The following CNTNAP2 variants were observed in gnomAD, a reference collection of about 807,000 sequenced individuals.
CNTNAP2 encodes contactin associated protein 2.
Under a neutral mutation model 155.2 loss-of-function variants are expected in CNTNAP2, and 98 were observed. The ratio of observed to expected loss-of-function variants is 0.63; its 90% CI spans 0.54 to 0.75. CNTNAP2 has a LOEUF of 0.75. Ranked by LOEUF, CNTNAP2 falls within the 30% of genes least tolerant of loss-of-function variation. The probability of loss-of-function intolerance (pLI) is 0.00; values close to 1 mark genes in which losing one functional copy is unlikely to be tolerated. For synonymous variants in CNTNAP2, 651 were observed against 631.2 expected, an observed-to-expected ratio of 1.03 and a Z score of -0.47; for missense variants, 1,727 against 1,688.1, an observed-to-expected ratio of 1.02 and a Z score of -0.40.
At chr7:148,154,952 G>C (rs1037502904) in intron 17 of CNTNAP2, among the ~76,000 whole-genome samples, 6 of 150,934 alleles carry the variant, frequency 4.0e-5, no homozygotes, top group Non-Finnish European at 3.0e-5. Context: ...AAAAAAAAAT[G>C]TACATCTCAA....
chr7:147,259,986 A>AG (rs1804420310), intron 8 of CNTNAP2, among the ~76,000 whole-genome samples: 1 of 152,136 alleles, frequency 6.6e-6, no homozygotes, highest in Non-Finnish European at 1.5e-5. Context: ...TCCCCACAAA[A>AG]GGATAGATTG....
At position 147,609,269 on chromosome 7, in the gene CNTNAP2, C is replaced by T. The variant is rs547508090; in HGVS notation, c.1898-29837C>T. ...GTGGTGGGCCGGGCGCGGTGGCTCA[C>T]GCCTGTAATCCCAGCACTTTGGGAG... On this transcript the variant is annotated intron_variant, in intron 12 of 23. Coordinates refer to ENST00000361727, the MANE Select transcript of CNTNAP2 (RefSeq NM_014141.6). 3.2e-4 allele frequency among the ~76,000 whole-genome samples: 49 copies of T among 152,252 alleles called. 1 individual carries two copies. Among genetic ancestry groups the T allele is most frequent in the African/African-American group, 8.4e-4 (35 of 41,542 alleles).
intron 1 of CNTNAP2, among the ~76,000 whole-genome samples, chr7:146,169,515 A>T (rs1410871389): frequency 6.6e-6 from 1 of 152,134 alleles, no homozygotes; most frequent in Non-Finnish European, 1.5e-5. Context: ...AACACTTAAG[A>T]TCTATTCTCT....
At chr7:147,911,912 C>T (rs569144564) in intron 14 of CNTNAP2, among the ~76,000 whole-genome samples, 3 of 152,262 alleles carry the variant, frequency 2.0e-5, no homozygotes, top group African/African-American at 7.2e-5. Flanking sequence ...GCTACGAGCA[C>T]GGTGGTACAA....
At chr7:146,247,526 G>C (rs1259999138) in intron 1 of CNTNAP2, among the ~76,000 whole-genome samples, 2 of 152,092 alleles carry the variant, frequency 1.3e-5, no homozygotes, top group Non-Finnish European at 2.9e-5. Context: ...AAAGAAGGAA[G>C]ATTTGGGATG....
intron 11 of CNTNAP2, among the ~76,000 whole-genome samples, chr7:147,532,556 C>T (rs746208727): frequency 4.2e-4 from 64 of 152,166 alleles, no homozygotes; most frequent in Non-Finnish European, 8.5e-4. Flanking sequence ...CACACATTTT[C>T]GGGTATCTTT....
intron 1 of CNTNAP2, among the ~76,000 whole-genome samples, chr7:146,720,830 T>A (rs1178962450): frequency 1.3e-5 from 2 of 148,816 alleles, no homozygotes; most frequent in Non-Finnish European, 3.0e-5. Context: ...TTTTGAAAGC[T>A]ATTATTTAGA....
chr7:147,480,959 A>G (rs1185335806), intron 10 of CNTNAP2, among the ~76,000 whole-genome samples: 9 of 152,136 alleles, frequency 5.9e-5, no homozygotes, highest in Admixed American at 1.3e-4. Flanking sequence ...GAGAAACACT[A>G]CTTTTGAGTG....
At chr7:148,403,601 G>A (rs1799635987) in intron 22 of CNTNAP2, among the ~76,000 whole-genome samples, 1 of 152,224 alleles carries the variant, frequency 6.6e-6, no homozygotes, top group Non-Finnish European at 1.5e-5. Flanking sequence ...CAAGCTGGGT[G>A]AGGGGAACGT....
intron 1 of CNTNAP2, among the ~76,000 whole-genome samples, chr7:146,182,397 A>G (rs6947847): frequency 0.31 from 46,513 of 151,974 alleles, 8,349 homozygotes; most frequent in African/African-American, 0.5. Context: ...TATTATCTGT[A>G]CATATTTTCA....
chr7:147,440,734 T>C (rs1447495439), intron 10 of CNTNAP2, among the ~76,000 whole-genome samples: 2 of 152,200 alleles, frequency 1.3e-5, no homozygotes, highest in African/African-American at 4.8e-5. Flanking sequence ...TCACCAGATA[T>C]ACCATTCTAG....
At chr7:148,371,203 TG>T (rs1297853130) in intron 21 of CNTNAP2, among the ~76,000 whole-genome samples, 2 of 151,834 alleles carry the variant, frequency 1.3e-5, no homozygotes, top group African/African-American at 4.8e-5. Context: ...AAAACAAAAC[TG>T]GAAAAAAAAA....
chr7:147,318,319 G>C (rs1331878959), intron 9 of CNTNAP2, among the ~76,000 whole-genome samples: 1 of 152,032 alleles, frequency 6.6e-6, no homozygotes, highest in African/African-American at 2.4e-5. Context: ...ACGCGCACCT[G>C]AAGTCCCAGC....
At position 146,474,992 on chromosome 7, in the gene CNTNAP2, AGCGC is replaced by A. The variant is rs1430037288; in HGVS notation, c.98-299276_98-299273del. Among the ~76,000 whole-genome samples the A allele has an allele frequency of 2.5e-4, 35 of 138,522 alleles. No homozygotes were observed. The East Asian group carries it at 5.6e-3, about 22-fold the overall frequency. 90.9% of individuals were successfully genotyped at this position (138,522 alleles called of 152,430 possible). On this transcript the variant is annotated intron_variant, in intron 1 of 23. Transcript: ENST00000361727. ...GGCTTGAAACATATGCCTGAGCACG[AGCGC>A]GCACGCGCGCGCGCGCGCACACACA... is the stretch of plus-strand genomic sequence containing the variant.
At chr7:146,193,488 G>A (rs1450803198) in intron 1 of CNTNAP2, among the ~76,000 whole-genome samples, 3 of 152,228 alleles carry the variant, frequency 2.0e-5, no homozygotes, top group African/African-American at 7.2e-5. Context: ...AAGACTTGGG[G>A]CTTGCACCCT....
At chr7:147,276,986 T>C (rs1804909869) in intron 8 of CNTNAP2, among the ~76,000 whole-genome samples, 1 of 151,998 alleles carries the variant, frequency 6.6e-6, no homozygotes, top group Non-Finnish European at 1.5e-5. Flanking sequence ...GAAAACCAAG[T>C]GTGCTCACCT....
chr7:147,848,898 A>AT (rs1563109896), intron 13 of CNTNAP2, among the ~76,000 whole-genome samples: 1 of 152,048 alleles, frequency 6.6e-6, no homozygotes, highest in African/African-American at 2.4e-5. Flanking sequence ...AGGAATTTTA[A>AT]TTTTGTTTTT....
intron 8 of CNTNAP2, among the ~76,000 whole-genome samples, chr7:147,298,356 G>A (rs542755068): frequency 2.0e-5 from 3 of 152,036 alleles, no homozygotes; most frequent in South Asian, 2.1e-4. Flanking sequence ...CCCAGGAGGC[G>A]GAGGTTGCAG....
intron 11 of CNTNAP2, among the ~76,000 whole-genome samples, chr7:147,560,283 C>T (rs998471279): frequency 6.6e-6 from 1 of 151,788 alleles, no homozygotes; most frequent in Non-Finnish European, 1.5e-5. Flanking sequence ...TTGAAACAGC[C>T]TAAATACTCT....
Sources: allele counts gnomAD v4.1 joint callset (sites outside exome capture counted in the v4.1 genomes callset), GRCh38; gene constraint gnomAD v4.1.1; transcripts MANE v1.5; gene names NCBI Gene and HGNC (gene_info 2026-07-23, HGNC 2026-07-21).